CRTC1: variants seen among roughly 807,000 people sequenced by gnomAD.
CRTC1 encodes CREB regulated transcription coactivator 1.
In CRTC1, 18 loss-of-function variants were observed where a neutral mutation model predicts 66.1. The observed-to-expected ratio is 0.27, with a 90% confidence interval of 0.19 to 0.40. The LOEUF is 0.40. Ranked by LOEUF, CRTC1 falls within the 10% of genes least tolerant of loss-of-function variation. The probability of loss-of-function intolerance (pLI) is 1.00; values close to 1 mark genes in which losing one functional copy is unlikely to be tolerated. For missense variants in CRTC1, 669 were observed against 887.9 expected, an observed-to-expected ratio of 0.75 and a Z score of 3.13; for synonymous variants, 416 against 398.8, an observed-to-expected ratio of 1.04 and a Z score of -0.51.
rs879708554 is a variant in CRTC1, at chr19:18,741,587, C to T, written c.127-1323C>T. 6.6e-6 allele frequency among the ~76,000 whole-genome samples: 1 copy of T among 152,176 alleles called. No individual in the cohort carries two copies. Among genetic ancestry groups the T allele is most frequent in the African/African-American group, 2.4e-5 (1 of 41,444 alleles). Reference sequence around the variant, plus strand: ...CTGTAGGACCCCCACCCTACACCCCCTCCCTCTGCCACAGCCCGGAGCTGG... The same window carrying T: ...CTGTAGGACCCCCACCCTACACCCCTTCCCTCTGCCACAGCCCGGAGCTGG... On this transcript the variant is annotated intron_variant, in intron 1 of 13. Transcript: ENST00000321949. The surrounding 1 kb of genome is among the most constrained non-coding windows in gnomAD (Gnocchi z 4.2).
chr19:18,764,759 T>C (rs914074374), intron 8 of CRTC1, among the ~76,000 whole-genome samples: 2 of 152,132 alleles, frequency 1.3e-5, no homozygotes, highest in African/African-American at 4.8e-5. Flanking sequence ...AGGAAGTGGC[T>C]GTGGGACATA....
At chr19:18,728,320 T>C (rs958788495) in intron 1 of CRTC1, among the ~76,000 whole-genome samples, 1 of 152,176 alleles carries the variant, frequency 6.6e-6, no homozygotes, top group Non-Finnish European at 1.5e-5. Context: ...TTTGAAACTT[T>C]ATTTCCAGGC....
intron 1 of CRTC1, among the ~76,000 whole-genome samples, chr19:18,697,691 C>T (rs928414804): frequency 2.0e-5 from 3 of 152,154 alleles, no homozygotes; most frequent in Non-Finnish European, 4.4e-5. Flanking sequence ...CATGGTGAGA[C>T]GTGAATGTGA....
intron 1 of CRTC1, among the ~76,000 whole-genome samples, chr19:18,736,616 G>A (rs930386130): frequency 2.6e-5 from 4 of 152,038 alleles, no homozygotes; most frequent in Admixed American, 2.6e-4. Context: ...GCAAAGGCCC[G>A]GAGGTAGCGA....
At chr19:18,721,111 C>T (rs977133254) in intron 1 of CRTC1, among the ~76,000 whole-genome samples, 1 of 152,096 alleles carries the variant, frequency 6.6e-6, no homozygotes, top group African/African-American at 2.4e-5. Flanking sequence ...GTCATGTGGA[C>T]ACCTCCTCTC....
chr19:18,737,657 C>T (rs902717942), intron 1 of CRTC1, among the ~76,000 whole-genome samples: 1 of 152,024 alleles, frequency 6.6e-6, no homozygotes, highest in Non-Finnish European at 1.5e-5. Flanking sequence ...TTTTGAGCCA[C>T]GCATGTCTAC....
intron 1 of CRTC1, among the ~76,000 whole-genome samples, chr19:18,723,197 T>A (rs1435559350): frequency 6.6e-6 from 1 of 152,200 alleles, no homozygotes; most frequent in African/African-American, 2.4e-5. Flanking sequence ...TGCCACAGCC[T>A]CCCAAAGTGC....
intron 2 of CRTC1, 58 bp downstream of exon 2, chr19:18,743,084 C>A: frequency 7.5e-7 from 1 of 1,339,978 alleles, no homozygotes; most frequent in Non-Finnish European, 1.1e-6. Flanking sequence ...CAGCCTCCCA[C>A]TGGGGGCCAG....
At chr19:18,736,388 A>C (rs2053997412) in intron 1 of CRTC1, among the ~76,000 whole-genome samples, 1 of 150,582 alleles carries the variant, frequency 6.6e-6, no homozygotes, top group Non-Finnish European at 1.5e-5. Flanking sequence ...GGGCTGGAGA[A>C]AGTGTTCGCT....
chr19:18,763,700 A>C lies in CRTC1; in HGVS notation c.887-1704A>C, dbSNP rs181813234. 3.0e-4 allele frequency among the ~76,000 whole-genome samples: 45 copies of C among 152,214 alleles called. No individual in the cohort carries two copies. The East Asian group carries it at 7.7e-3, about 26-fold the overall frequency. On this transcript the variant is annotated intron_variant, in intron 8 of 13. Coordinates refer to ENST00000321949, the MANE Select transcript of CRTC1 (RefSeq NM_015321.3). ...CCAGTGGCCATGGCCGATGTCTTGC[A>C]CCTCGAGACGGGCCACAGTGCTCTG...
intron 2 of CRTC1, among the ~76,000 whole-genome samples, chr19:18,744,820 G>A (rs1266299419): frequency 6.6e-6 from 1 of 152,138 alleles, no homozygotes; most frequent in Non-Finnish European, 1.5e-5. Flanking sequence ...GAAAGACTTG[G>A]GGGTCCCCAG....
chr19:18,744,308 T>C (rs2054181230), intron 2 of CRTC1, among the ~76,000 whole-genome samples: 2 of 152,022 alleles, frequency 1.3e-5, no homozygotes, highest in Admixed American at 6.5e-5. Context: ...CAAATGGAAA[T>C]GGATCCACTC....
chr19:18,749,767 T>C lies in CRTC1; in HGVS notation c.444-14T>C. On this transcript the variant is annotated splice_polypyrimidine_tract_variant and intron_variant, in intron 4 of 13. Transcript: ENST00000321949. ...TGGGCTGAGGCTCATTGTCTCTTCC[T>C]CCCTCCCCACCAGGACCAATTCTGA... The C allele has an allele frequency of 6.2e-7, 1 of 1,610,158 alleles. No individual in the cohort carries two copies. The highest frequency in any genetic ancestry group is 8.5e-7 in the Non-Finnish European group (1 of 1,176,556).
chr19:18,733,852 CTGCCTGTAATCCCAGCACT>C (rs1472832570), intron 1 of CRTC1, among the ~76,000 whole-genome samples: 2 of 152,174 alleles, frequency 1.3e-5, no homozygotes, highest in Non-Finnish European at 2.9e-5. Context: ...GCGGTGGCTC[CTGCCTGTAATCCCAGCACT>C]TTGGGAGGCC....
chr19:18,704,229 C>G (rs967328593), intron 1 of CRTC1, among the ~76,000 whole-genome samples: 3 of 152,294 alleles, frequency 2.0e-5, no homozygotes, highest in African/African-American at 4.8e-5. Flanking sequence ...CTTTCCACCT[C>G]AGCCTTTCAA....
At chr19:18,747,845 A>G (rs1409245758) in intron 4 of CRTC1, among the ~76,000 whole-genome samples, 1 of 152,162 alleles carries the variant, frequency 6.6e-6, no homozygotes, top group African/African-American at 2.4e-5. Flanking sequence ...TTGGAGACCA[A>G]CGCAGGCGAT....
intron 1 of CRTC1, among the ~76,000 whole-genome samples, chr19:18,732,943 T>C (rs957422361): frequency 2.6e-5 from 4 of 151,744 alleles, no homozygotes; most frequent in African/African-American, 9.7e-5. Context: ...AAAACTTAGT[T>C]GAGCGTGGTG....
chr19:18,719,524 A>T (rs1172846224), intron 1 of CRTC1, among the ~76,000 whole-genome samples: 1 of 152,204 alleles, frequency 6.6e-6, no homozygotes, highest in African/African-American at 2.4e-5. Flanking sequence ...TATGTCTAAA[A>T]AATGGAGCAT....
At chr19:18,747,172 T>G in intron 4 of CRTC1, 58 bp downstream of exon 4, 1 of 1,109,342 alleles carries the variant, frequency 9.0e-7, no homozygotes, top group Non-Finnish European at 1.3e-6. Context: ...AACCAAACTC[T>G]CATCATGGTT....
Sources: gnomAD v4.1 joint callset for allele counts (sites outside exome capture counted in the v4.1 genomes callset) on GRCh38, gnomAD v4.1.1 for gene constraint, Gnocchi (gnomAD v3.1) non-coding constraint, MANE v1.5 for transcripts, NCBI Gene and HGNC (gene_info 2026-07-23, HGNC 2026-07-21) for gene names.